Variants in DAB1 observed in about 807,000 individuals in gnomAD.
DAB1 encodes disabled homolog 1.
In DAB1, 15 loss-of-function variants were observed where a neutral mutation model predicts 64.6. That is an observed-to-expected ratio of 0.23 (90% CI 0.16 to 0.36). The LOEUF is 0.36. Among genes scored for constraint, DAB1 ranks in the 10% least tolerant of loss-of-function variants. The probability of loss-of-function intolerance (pLI) is 1.00; values close to 1 mark genes in which losing one functional copy is unlikely to be tolerated. For missense variants in DAB1, 596 were observed against 706.7 expected (o/e 0.84, Z 1.78); for synonymous variants, 235 against 251.9 (o/e 0.93, Z 0.64).
intron 7 of DAB1, among the ~76,000 whole-genome samples, chr1:57,545,575 G>T (rs1292996043): frequency 7.9e-5 from 12 of 152,174 alleles, no homozygotes. Context: ...GTTCCTGGGT[G>T]ACCCAGCCTG....
At chr1:58,540,909 AAAAG>A (rs1646596924) in intron 1 of DAB1, among the ~76,000 whole-genome samples, 1 of 152,122 alleles carries the variant, frequency 6.6e-6, no homozygotes, top group South Asian at 2.1e-4. Context: ...AATCCTACAC[AAAAG>A]AAACACAAAG....
intron 7 of DAB1, among the ~76,000 whole-genome samples, chr1:57,638,232 AG>A (rs1247398059): frequency 6.6e-6 from 1 of 152,224 alleles, no homozygotes; most frequent in East Asian, 1.9e-4. Context: ...ATAATCAAAA[AG>A]GGGCTTACAA....
At chr1:57,931,336 T>C (rs1174149984) in intron 5 of DAB1, among the ~76,000 whole-genome samples, 2 of 152,164 alleles carry the variant, frequency 1.3e-5, no homozygotes, top group African/African-American at 4.8e-5. Context: ...AATCTCTTTG[T>C]CTAATTTTGG....
intron 5 of DAB1, among the ~76,000 whole-genome samples, chr1:58,105,980 C>T (rs548716438): frequency 5.3e-5 from 8 of 152,256 alleles, no homozygotes; most frequent in Admixed American, 1.3e-4. Context: ...CACGTTAAAT[C>T]CCTCAAGGAG....
chr1:58,496,946 C>T (rs903544347), intron 3 of DAB1, among the ~76,000 whole-genome samples: 2 of 152,108 alleles, frequency 1.3e-5, no homozygotes, highest in Admixed American at 6.6e-5. Flanking sequence ...AGGAAGAAAA[C>T]CACCTTTGCA....
chr1:57,691,249 C>T (rs1646760637), intron 6 of DAB1, among the ~76,000 whole-genome samples: 2 of 152,076 alleles, frequency 1.3e-5, no homozygotes, highest in Admixed American at 1.3e-4. Context: ...CCAATCAGCG[C>T]TCTGTGTCTA....
At chr1:57,837,871 C>T (rs1652881525) in intron 1 of DAB1, among the ~76,000 whole-genome samples, 1 of 149,774 alleles carries the variant, frequency 6.7e-6, no homozygotes, top group African/African-American at 2.5e-5. Context: ...ATTTCCGCTC[C>T]CAACTCCATC....
chr1:58,392,214 T>C (rs1395152896), intron 3 of DAB1, among the ~76,000 whole-genome samples: 2 of 152,190 alleles, frequency 1.3e-5, no homozygotes, highest in Non-Finnish European at 2.9e-5. Flanking sequence ...CATCTCACTT[T>C]TACTACAAAA....
intron 7 of DAB1, among the ~76,000 whole-genome samples, chr1:57,591,543 C>T (rs1016234955): frequency 3.9e-5 from 6 of 152,138 alleles, no homozygotes; most frequent in African/African-American, 1.4e-4. Context: ...GGTTCTGAGG[C>T]AAATGGATCT....
At chr1:57,627,668 GA>G (rs916365737) in intron 7 of DAB1, among the ~76,000 whole-genome samples, 1 of 152,186 alleles carries the variant, frequency 6.6e-6, no homozygotes, top group Admixed American at 6.5e-5. Context: ...ATTGAAAATT[GA>G]AAAGGAGATC....
intron 3 of DAB1, among the ~76,000 whole-genome samples, chr1:58,491,617 A>G (rs1454019209): frequency 6.6e-6 from 1 of 152,194 alleles, no homozygotes; most frequent in Non-Finnish European, 1.5e-5. Flanking sequence ...TTGCAATCCT[A>G]GTCTCTGATA....
intron 7 of DAB1, among the ~76,000 whole-genome samples, chr1:57,638,042 A>G (rs1373450170): frequency 6.6e-6 from 1 of 152,210 alleles, no homozygotes; most frequent in Non-Finnish European, 1.5e-5. Flanking sequence ...ATTTGTATTT[A>G]TAATCTGATA....
rs930274032 is a variant in DAB1, at chr1:57,270,712, C to A, written c.67+20252G>T. ...TAGGTGCTGGTGACCCTGCAATGAA[C>A]ACAGGAGTGTCCTCATAGAGTGGAC... On this transcript the variant is annotated intron_variant, in intron 2 of 14. Coordinates refer to ENST00000371236, the MANE Select transcript of DAB1 (RefSeq NM_001365792.1). Among the ~76,000 whole-genome samples, 3 of 152,310 alleles carry A rather than the reference C, an allele frequency of 2.0e-5. No individual in the cohort carries two copies. In the South Asian group the frequency reaches 6.2e-4, roughly 32 times the overall value.
chr1:57,571,352 C>T (rs964545294), intron 7 of DAB1, among the ~76,000 whole-genome samples: 1 of 152,126 alleles, frequency 6.6e-6, no homozygotes, highest in Admixed American at 6.5e-5. Flanking sequence ...GTTCTCCCTG[C>T]CTTTAGTGTC....
chr1:58,371,636 C>A (rs1239945716), intron 3 of DAB1, among the ~76,000 whole-genome samples: 3 of 152,074 alleles, frequency 2.0e-5, no homozygotes, highest in Non-Finnish European at 2.9e-5. Flanking sequence ...TCATGGAATC[C>A]CCTCCTATCA....
chr1:57,201,114 T>G (rs12042042), intron 2 of DAB1, among the ~76,000 whole-genome samples: 24,356 of 152,190 alleles, frequency 0.16, 2,468 homozygotes, highest in Admixed American at 0.27. Flanking sequence ...GCAAGGTCTG[T>G]GTCTTCAGGA....
In DAB1 at chr1:57,708,611, G is replaced by A. The variant is rs1646993695; in HGVS notation, n.552-58946C>T. ...CAGTGGTGAAGCTGGCTGTGACTTG[G>A]GTTCCTCCCAATGGGGCACAGAATT... is the stretch of plus-strand genomic sequence containing the variant. On this transcript the variant is annotated intron_variant and non_coding_transcript_variant, in intron 6 of 20. Coordinates refer to the DAB1 transcript ENST00000485760. 2.6e-5 allele frequency among the ~76,000 whole-genome samples: 4 copies of A among 152,190 alleles called. No individual in the cohort carries two copies. The South Asian group carries it at 6.2e-4, about 24-fold the overall frequency.
chr1:57,109,423 C>G (rs1379981862), intron 4 of DAB1, among the ~76,000 whole-genome samples: 1 of 152,148 alleles, frequency 6.6e-6, no homozygotes, highest in Non-Finnish European at 1.5e-5. Context: ...TGATTTGACT[C>G]TCTGGAAAAC....
intron 7 of DAB1, among the ~76,000 whole-genome samples, chr1:57,524,057 G>A (rs1218494700): frequency 6.6e-6 from 1 of 151,960 alleles, no homozygotes; most frequent in Non-Finnish European, 1.5e-5. Flanking sequence ...AATCATCACA[G>A]GAAGAAACAC....
Sources: allele counts gnomAD v4.1 joint callset (sites outside exome capture counted in the v4.1 genomes callset), GRCh38; gene constraint gnomAD v4.1.1; transcripts MANE v1.5; gene names NCBI Gene and HGNC (gene_info 2026-07-23, HGNC 2026-07-21).